SPAG5: variants seen among roughly 807,000 people sequenced by gnomAD.
The protein encoded by SPAG5 is sperm-associated antigen 5.
SPAG5 carries 99 observed loss-of-function variants against 145.4 expected under a neutral mutation model. That is an observed-to-expected ratio of 0.68 (90% CI 0.58 to 0.80). SPAG5 has a LOEUF of 0.80. SPAG5 is among the 30% of genes least tolerant of loss of function. SPAG5 has a pLI of 0.00. For missense variants in SPAG5, 1,192 were observed against 1,416.0 expected (o/e 0.84, Z 2.54); for synonymous variants, 477 against 525.4 (o/e 0.91, Z 1.26).
intron 17 of SPAG5, 86 bp from the exon 18 acceptor site, chr17:28,579,571 C>T (rs1025754157): frequency 5.4e-6 from 8 of 1,492,798 alleles, no homozygotes; most frequent in Admixed American, 3.7e-5. Flanking sequence ...AACTCTTATC[C>T]GTGTTCCCCA....
In SPAG5 at chr17:28,578,029, A is replaced by G; in HGVS notation, c.3491T>C (p.Ile1164Thr). 1.9e-6 allele frequency: 3 copies of G among 1,613,798 alleles called. No individual in the cohort carries two copies. Among genetic ancestry groups the G allele is most frequent in the South Asian group, 1.1e-5 (1 of 91,072 alleles). Residue 1164 changes from isoleucine (I) to threonine (T), a missense_variant, in exon 23 of 24, where the codon ATT becomes ACT. By Grantham distance (89) the Ile-to-Thr change is moderately conservative (BLOSUM62 -1). Transcript: ENST00000321765. ...SDKELEKLDD[I>T]VQHIYKTLLS... ...CTATACCTTATAAATATGCTGAACA[A>G]TGTCATCTAGTTTTTCTAACTCCTT...
In SPAG5 at chr17:28,578,727, A is replaced by G. The variant is rs2070526388; in HGVS notation, c.3143T>C (p.Ile1048Thr). 4.3e-6 allele frequency: 7 copies of G among 1,613,936 alleles called. No homozygotes were observed. Among genetic ancestry groups the G allele is most frequent in the Non-Finnish European group, 5.1e-6 (6 of 1,179,858 alleles). ...YKNEKELQEV[I>T]QQQNEKILEQ... ...TAGGATCTTCTCATTCTGCTGCTGT[A>G]TCACTTCCTGGAGCTCCTTTTCATT... The change falls in exon 20 of 24, where the codon ATA (isoleucine) becomes ACA (threonine). Residue 1048 changes from isoleucine (I) to threonine (T), a missense_variant. By Grantham distance (89) the Ile-to-Thr change is moderately conservative. Transcript: ENST00000321765.
At chr17:28,577,837 G>C in intron 23 of SPAG5, 67 bp from the exon 24 acceptor site, 1 of 1,390,520 alleles carries the variant, frequency 7.2e-7, no homozygotes, top group Non-Finnish European at 1.0e-6. Context: ...CCAGCCCCAG[G>C]AGGCAGCCGC....
intron 15 of SPAG5, among the ~76,000 whole-genome samples, chr17:28,581,962 T>C (rs950148562): frequency 6.6e-6 from 1 of 152,356 alleles, no homozygotes; most frequent in South Asian, 2.1e-4. Context: ...CCTAGCAATC[T>C]AAGGATCATC....
rs1242269591 is a variant in SPAG5, at chr17:28,585,953, T to C, written c.1651A>G (p.Lys551Glu). The change falls in exon 7 of 24, where the codon AAG becomes GAG. Residue 551 changes from lysine to glutamate, a missense_variant. This residue lies in a region of SPAG5 where 709 missense variants were observed against 840.7 expected (regional missense o/e 0.84). Coordinates refer to ENST00000321765, the MANE Select transcript of SPAG5 (RefSeq NM_006461.4). The part of the protein sequence containing the change: ...TLVCCCFDLL[K>E]KLRAKLQSLK... ...CTCTGGAGCTTTGCCCTCAATTTCT[T>C]CAGCAAATCAAAACAGCAACAGACC... is the stretch of plus-strand genomic sequence containing the variant. The C allele has an allele frequency of 6.2e-7, 1 of 1,614,104 alleles. No individual in the cohort carries two copies. The highest frequency in any genetic ancestry group is 1.3e-5 in the African/African-American group (1 of 74,936).
At chr17:28,581,193 G>C (rs944345720) in intron 15 of SPAG5, among the ~76,000 whole-genome samples, 6 of 152,148 alleles carry the variant, frequency 3.9e-5, no homozygotes, top group Non-Finnish European at 8.8e-5. Flanking sequence ...GAACTACAAA[G>C]GCAGAATTGA....
At chr17:28,584,797 C>T (rs1597595531) in intron 10 of SPAG5, 52 bp from the exon 11 acceptor site, 1 of 1,363,796 alleles carries the variant, frequency 7.3e-7, no homozygotes, top group East Asian at 2.3e-5. Flanking sequence ...ATCAATAATC[C>T]CAGGACTTGG....
intron 19 of SPAG5, 88 bp downstream of exon 19, chr17:28,579,052 AC>A: frequency 8.8e-7 from 1 of 1,140,822 alleles, no homozygotes; most frequent in South Asian, 1.4e-5. Context: ...AATCCCCACC[AC>A]CCAGATTCCT....
rs867972373 is a variant in SPAG5 at position 28,584,486 on chromosome 17, A to G, written c.2162-6T>C. ...CTGCAACTGAGCCCGGAGATCTAGA[A>G]CAAAAGTATCCTAATGACACCATGC... On this transcript the variant is annotated splice_polypyrimidine_tract_variant and splice_region_variant and intron_variant, in intron 11 of 23. Transcript: ENST00000321765. 2.5e-6 allele frequency: 4 copies of G among 1,613,634 alleles called. No individual in the cohort carries two copies. The Middle Eastern group carries it at 6.6e-4, about 266-fold the overall frequency.
In SPAG5 at chr17:28,578,201, G is replaced by A. The variant is rs1286114201; in HGVS notation, c.3429+17C>T. The A allele has an allele frequency of 6.2e-7, 1 of 1,613,636 alleles. No individual in the cohort carries two copies. The highest frequency in any genetic ancestry group is 8.5e-7 in the Non-Finnish European group (1 of 1,179,566). ...CGATGGTAGGAAATGGCCCTGGAAT[G>A]GCATGGACATTCTTACATGGCTCTG... On this transcript the variant is annotated intron_variant, in intron 22 of 23. Transcript: ENST00000321765.
At chr17:28,585,474 T>C in intron 8 of SPAG5, 60 bp downstream of exon 8, 1 of 1,613,728 alleles carries the variant, frequency 6.2e-7, no homozygotes, top group South Asian at 1.1e-5. Context: ...AGTGGGAGTA[T>C]GCAACTACCC....
intron 7 of SPAG5, 96 bp from the exon 8 acceptor site, chr17:28,585,749 GC>G: frequency 6.2e-7 from 1 of 1,606,038 alleles, no homozygotes. Context: ...GTTCTTTACT[GC>G]CCAGGGCAGG....
At chr17:28,584,627 C>T in intron 11 of SPAG5, 25 bp downstream of exon 11, 1 of 1,581,826 alleles carries the variant, frequency 6.3e-7, no homozygotes, top group Non-Finnish European at 8.7e-7. Flanking sequence ...TACATGCATG[C>T]ATACACACAC....
chr17:28,582,504 G>A (rs994843447), intron 15 of SPAG5, among the ~76,000 whole-genome samples: 2 of 152,170 alleles, frequency 1.3e-5, no homozygotes, highest in African/African-American at 2.4e-5. Flanking sequence ...CTCGAAGGCT[G>A]AAGTGGTGCT....
At chr17:28,585,433 G>C (rs758306275) in intron 8 of SPAG5, 22 bp from the exon 9 acceptor site, 52 of 1,613,926 alleles carry the variant, frequency 3.2e-5, no homozygotes, top group Non-Finnish European at 5.1e-6. Context: ...AGATTGCCTA[G>C]GCGGGAACCC....
At position 28,598,961 on chromosome 17, in the gene SPAG5, C is replaced by G. The variant is rs201010458; in HGVS notation, c.-15G>C. On this transcript the variant is annotated 5_prime_UTR_variant, in exon 1 of 24. Coordinates refer to ENST00000321765, the MANE Select transcript of SPAG5 (RefSeq NM_006461.4). ...ACTCGCCACATCTTCAACCAGAAGG[C>G]AGGCCTATCACGTCTCAGACCAAGT... 2 of 1,613,684 alleles carry G rather than the reference C, an allele frequency of 1.2e-6. No individual in the cohort carries two copies. The highest frequency in any genetic ancestry group is 2.7e-5 in the African/African-American group (2 of 75,026).
intron 23 of SPAG5, 40 bp from the exon 24 acceptor site, chr17:28,577,810 CTT>C (rs1567621920): frequency 6.5e-7 from 1 of 1,549,480 alleles, no homozygotes; most frequent in Non-Finnish European, 8.9e-7. Flanking sequence ...GGACCACAGA[CTT>C]AAGGCCCAGG....
rs763508195 is a variant in SPAG5, at chr17:28,598,998, T to C, written c.-52A>G. On this transcript the variant is annotated 5_prime_UTR_variant, in exon 1 of 24. It removes an upstream start codon present in the reference 5' UTR. Coordinates refer to ENST00000321765, the MANE Select transcript of SPAG5 (RefSeq NM_006461.4). ...GTCTCAGACCAAGTCGAGGACGCCA[T>C]GTTCACCCGCCGTCTGTGTTTGAAC... The C allele has an allele frequency of 5.7e-6, 9 of 1,568,492 alleles. No homozygotes were observed. Among genetic ancestry groups the C allele is most frequent in the African/African-American group, 1.4e-5 (1 of 74,014 alleles).
chr17:28,591,011 A>C (rs560121509), intron 4 of SPAG5, among the ~76,000 whole-genome samples: 1 of 152,188 alleles, frequency 6.6e-6, no homozygotes, highest in Non-Finnish European at 1.5e-5. Context: ...GCCTATATCA[A>C]AACATCTCAT....
Sources: gnomAD v4.1 joint callset for allele counts (sites outside exome capture counted in the v4.1 genomes callset) on GRCh38, gnomAD v4.1.1 for gene constraint, gnomAD v4.1.1 regional missense constraint, MANE v1.5 for transcripts, NCBI Gene and HGNC (gene_info 2026-07-23, HGNC 2026-07-21) for gene names.